The following SNW1 variants were observed in gnomAD, a reference collection of about 807,000 sequenced individuals.
The protein encoded by SNW1 is SNW domain-containing protein 1.
SNW1 carries 9 observed loss-of-function variants against 75.6 expected under a neutral mutation model. The observed-to-expected ratio is 0.12, with a 90% CI of 0.07 to 0.21. The LOEUF is 0.21. Among genes scored for constraint, SNW1 ranks in the 10% least tolerant of loss-of-function variants. The pLI, the probability that SNW1 is intolerant of heterozygous loss-of-function variation, is 1.00. For synonymous variants in SNW1, 200 were observed against 219.1 expected (o/e 0.91, Z 0.77); for missense variants, 409 against 670.9 (o/e 0.61, Z 4.31).
intron 3 of SNW1, among the ~76,000 whole-genome samples, chr14:77,744,834 C>T (rs1366976313): frequency 6.6e-6 from 1 of 152,114 alleles, no homozygotes; most frequent in Non-Finnish European, 1.5e-5. Context: ...AGGAGAAATG[C>T]ACCAAAACAA....
chr14:77,740,679 T>C (rs771953341), intron 3 of SNW1, among the ~76,000 whole-genome samples: 1 of 152,182 alleles, frequency 6.6e-6, no homozygotes, highest in Non-Finnish European at 1.5e-5. Flanking sequence ...CTTCTTCTGA[T>C]TGCCTTAGTA....
chr14:77,730,928 TA>T lies in SNW1; in HGVS notation c.1033+59del, dbSNP rs1250521126. On this transcript the variant is annotated intron_variant, in intron 10 of 13. Coordinates refer to ENST00000261531, the MANE Select transcript of SNW1 (RefSeq NM_012245.3). ...TATATGCAGTAGGAAAAAGATTTTC[TA>T]AAATAAGATATATTTTGTTCACCAA... 3.8e-6 allele frequency: 6 copies of T among 1,559,490 alleles called. No homozygotes were observed. In the African/African-American group the frequency reaches 8.3e-5, roughly 21 times the overall value.
chr14:77,732,419 AC>A, intron 9 of SNW1, 65 bp downstream of exon 9: 1 of 886,894 alleles, frequency 1.1e-6, no homozygotes, highest in Non-Finnish European at 1.9e-6. Context: ...AATTATCAGT[AC>A]CTTAGGTAAC....
At chr14:77,744,912 T>C (rs985312136) in intron 3 of SNW1, among the ~76,000 whole-genome samples, 16 of 152,190 alleles carry the variant, frequency 1.1e-4, no homozygotes, top group African/African-American at 3.6e-4. Flanking sequence ...TCTCCATGTA[T>C]AGGGGCCTAA....
intron 10 of SNW1, among the ~76,000 whole-genome samples, chr14:77,726,159 A>G (rs917828289): frequency 6.6e-6 from 1 of 151,630 alleles, no homozygotes; most frequent in Non-Finnish European, 1.5e-5. Context: ...TGTTTTTTCT[A>G]TTTCTTTGAA....
intron 10 of SNW1, 128 bp downstream of exon 10, chr14:77,730,860 A>G (rs1372855849): frequency 3.2e-6 from 3 of 929,060 alleles, no homozygotes; most frequent in Non-Finnish European, 3.2e-6. Context: ...CCATTTCTAC[A>G]CTATATCTGA....
At chr14:77,730,363 G>A (rs1231257524) in intron 10 of SNW1, among the ~76,000 whole-genome samples, 1 of 151,988 alleles carries the variant, frequency 6.6e-6, no homozygotes, top group Non-Finnish European at 1.5e-5. Flanking sequence ...AACACTTTGT[G>A]TCTAAAAGAG....
chr14:77,746,737 G>A (rs1278537324), intron 3 of SNW1, among the ~76,000 whole-genome samples: 1 of 151,724 alleles, frequency 6.6e-6, no homozygotes, highest in East Asian at 1.9e-4. Flanking sequence ...AACAAAAATT[G>A]TCAAATGTGT....
At chr14:77,726,800 G>A (rs1566827571) in intron 10 of SNW1, among the ~76,000 whole-genome samples, 1 of 151,702 alleles carries the variant, frequency 6.6e-6, no homozygotes, top group African/African-American at 2.4e-5. Context: ...GGTGACAAGA[G>A]TGAGACTCCG....
At chr14:77,755,153 A>T (rs1234067976) in intron 1 of SNW1, 33 bp from the exon 2 acceptor site, 4 of 1,583,516 alleles carry the variant, frequency 2.5e-6, no homozygotes, top group Non-Finnish European at 3.4e-6. Flanking sequence ...TCAGAAATTT[A>T]AAAAACTCTT....
chr14:77,731,581 TAATC>T (rs1323785198), intron 9 of SNW1, among the ~76,000 whole-genome samples: 1 of 152,182 alleles, frequency 6.6e-6, no homozygotes, highest in East Asian at 1.9e-4. Context: ...CTTTCAAAGT[TAATC>T]AAGTCAACTC....
chr14:77,720,945 T>C, intron 11 of SNW1, 117 bp from the exon 12 acceptor site: 1 of 711,810 alleles, frequency 1.4e-6, no homozygotes, highest in Non-Finnish European at 2.5e-6. Context: ...ATTCACATCT[T>C]GTGAACATAT....
At chr14:77,727,501 A>C (rs1382073123) in intron 10 of SNW1, among the ~76,000 whole-genome samples, 1 of 152,170 alleles carries the variant, frequency 6.6e-6, no homozygotes, top group Non-Finnish European at 1.5e-5. Context: ...ATGTTTCTCC[A>C]TTCAGTATGT....
intron 3 of SNW1, among the ~76,000 whole-genome samples, chr14:77,742,041 T>C (rs2139917354): frequency 6.6e-6 from 1 of 152,200 alleles, no homozygotes; most frequent in East Asian, 1.9e-4. Context: ...CCCCATTTTT[T>C]TTTTTTTGAG....
At chr14:77,738,529 G>C (rs2080692085) in intron 5 of SNW1, among the ~76,000 whole-genome samples, 1 of 151,080 alleles carries the variant, frequency 6.6e-6, no homozygotes, top group African/African-American at 2.4e-5. Flanking sequence ...GCAGTGAGCT[G>C]TGTTGGTGTC....
chr14:77,722,793 G>T (rs72687205), intron 11 of SNW1: 71,713 of 401,762 alleles, frequency 0.18, 7,160 homozygotes, highest in Middle Eastern at 0.22. Context: ...CTAAAACTCT[G>T]CTCTAAAAGG....
Position 77,739,022 on chromosome 14 carries a change from C to G in SNW1, c.370G>C (p.Val124Leu), listed in dbSNP as rs781222365. ...SKYTDLVPKEVMNADDPDLQR... is the reference protein window; with the variant it reads ...SKYTDLVPKELMNADDPDLQR... ...AGGTCTGGATCATCTGCATTCATAA[C>G]CTCCTTTGGAACCAGGTCAGTGTAT... Residue 124 changes from valine to leucine, a missense_variant, in exon 4 of 14, where the codon GTT becomes CTT. Val to Leu is a conservative substitution (Grantham distance 32). Coordinates refer to ENST00000261531, the MANE Select transcript of SNW1 (RefSeq NM_012245.3). 3 of 1,613,950 alleles carry G rather than the reference C, an allele frequency of 1.9e-6. No individual in the cohort carries two copies. Among genetic ancestry groups the G allele is most frequent in the Admixed American group, 3.3e-5 (2 of 59,986 alleles).
chr14:77,744,446 C>CAAAAAAAAAAAAAAAAAAGAAAAAAAAA (rs2080743399), intron 3 of SNW1, among the ~76,000 whole-genome samples: 1 of 82,964 alleles, frequency 1.2e-5, no homozygotes, highest in Non-Finnish European at 2.2e-5. Context: ...GTCTCCATCT[C>CAAAAAAAAAAAAAAAAAAGAAAAAAAAA]AAAAAAAAAA....
chr14:77,747,800 C>T (rs1374462567), intron 3 of SNW1, among the ~76,000 whole-genome samples: 14 of 147,762 alleles, frequency 9.5e-5, no homozygotes, highest in African/African-American at 3.2e-4. Flanking sequence ...AGGTGGGGGG[C>T]GCCTCTGCCT....
Sources: gnomAD v4.1 joint callset for allele counts (sites outside exome capture counted in the v4.1 genomes callset) on GRCh38, gnomAD v4.1.1 for gene constraint, MANE v1.5 for transcripts, NCBI Gene and HGNC (gene_info 2026-07-23, HGNC 2026-07-21) for gene names.